The following HHIPL1 variants were observed in gnomAD, a reference collection of about 807,000 sequenced individuals.
HHIPL1 encodes HHIP-like protein 1.
A neutral mutation model predicts 61.8 loss-of-function variants in HHIPL1; 43 were observed. The ratio of observed to expected loss-of-function variants is 0.70; its 90% CI spans 0.55 to 0.90. The LOEUF (loss-of-function observed/expected upper bound fraction) is 0.90, where lower values mean the gene tolerates loss of function less well. Among genes scored for constraint, HHIPL1 ranks in the 40% least tolerant of loss-of-function variants. The probability of loss-of-function intolerance (pLI) is 0.00; values close to 1 mark genes in which losing one functional copy is unlikely to be tolerated. For missense variants in HHIPL1, 1,056 were observed against 1,157.7 expected (o/e 0.91, Z 1.28); for synonymous variants, 482 against 515.8 (o/e 0.93, Z 0.89).
intron 3 of HHIPL1, 25 bp from the exon 4 acceptor site, chr14:99,659,403 G>A: frequency 7.1e-7 from 1 of 1,400,518 alleles, no homozygotes; most frequent in Non-Finnish European, 9.2e-7. Context: ...ACCCCGAGCC[G>A]CGCCCTCTCC....
intron 4 of HHIPL1, among the ~76,000 whole-genome samples, chr14:99,659,964 C>T (rs1337371971): frequency 6.6e-6 from 1 of 151,470 alleles, no homozygotes; most frequent in Admixed American, 6.6e-5. Context: ...GACCCTGGAT[C>T]TGCCCCCACC....
chr14:99,646,792 AATATGATATGATATG>A (rs66953128), intron 1 of HHIPL1, among the ~76,000 whole-genome samples: 15 of 130,928 alleles, frequency 1.1e-4, no homozygotes, highest in South Asian at 2.4e-4. Flanking sequence ...AATATAATAT[AATATGATATGATATG>A]ATATGATATG....
At chr14:99,612,685 G>C in the HHIPL1 span, among the ~76,000 whole-genome samples, 1 of 152,136 alleles carries the variant, frequency 6.6e-6, no homozygotes, top group Non-Finnish European at 1.5e-5. Context: ...GCCCACCCGT[G>C]ATATGGGGGT....
At chr14:99,665,679 C>G (rs144273869) in intron 6 of HHIPL1, among the ~76,000 whole-genome samples, 1,737 of 152,342 alleles carry the variant, frequency 0.011, 24 homozygotes, top group African/African-American at 0.04. Context: ...AAGTGATCCC[C>G]TGCCTCGGCC....
chr14:99,670,272 T>C (rs9324012), intron 7 of HHIPL1, among the ~76,000 whole-genome samples: 148,367 of 152,166 alleles, frequency 0.98, 72,450 homozygotes, highest in East Asian at 1. Flanking sequence ...CCACCATGCC[T>C]GGCTAATTTT....
chr14:99,675,250 G>A lies in HHIPL1; in HGVS notation c.1973G>A (p.Arg658Gln). 1 of 1,228,546 alleles carries A rather than the reference G, an allele frequency of 8.1e-7. No homozygotes were observed. The allele number at this position is 1,228,546 out of a possible 1,614,324, so 76.1% of individuals were successfully genotyped here. The change falls in exon 9 of 9, where the codon CGG (arginine) becomes CAG (glutamine). Residue 658 changes from arginine (R) to glutamine (Q), a missense_variant. Arg to Gln is a conservative substitution (Grantham distance 43). Coordinates refer to ENST00000330710, the MANE Select transcript of HHIPL1 (RefSeq NM_001127258.3). This position sits in a 1 kb window ranked among gnomAD's most constrained non-coding sequence, Gnocchi z 5.4. ...AGCCGGAGGGGCGGCGGGCGGCGGC[G>A]GGGGCGGCTGAACTCGGCGAGCCGG... ...PGSRRGGGRR[R>Q]GRLNSASRAF...
the HHIPL1 span, among the ~76,000 whole-genome samples, chr14:99,611,436 G>A: frequency 6.6e-6 from 1 of 152,012 alleles, no homozygotes; most frequent in Admixed American, 6.6e-5. Context: ...TGAGATTACA[G>A]GCATCCACCA....
At chr14:99,643,027 C>T (rs750928344), upstream of HHIPL1, among the ~76,000 whole-genome samples, 3 of 151,736 alleles carry the variant, frequency 2.0e-5, no homozygotes, top group Non-Finnish European at 4.4e-5. Context: ...GGCTCTGATG[C>T]TCCTTCTGAC....
chr14:99,640,312 T>C (rs1430517576), upstream of HHIPL1, among the ~76,000 whole-genome samples: 8 of 152,216 alleles, frequency 5.3e-5, no homozygotes. Context: ...TGAGATAGGG[T>C]CTTGCTCTGT....
At chr14:99,647,701 C>T (rs1279811871) in intron 1 of HHIPL1, among the ~76,000 whole-genome samples, 1 of 152,228 alleles carries the variant, frequency 6.6e-6, no homozygotes, top group Non-Finnish European at 1.5e-5. Context: ...CTCTGCTAGC[C>T]AAGGCAGAGT....
the HHIPL1 span, among the ~76,000 whole-genome samples, chr14:99,622,650 TGC>T: frequency 1.3e-5 from 2 of 152,218 alleles, no homozygotes; most frequent in Non-Finnish European, 2.9e-5. Flanking sequence ...TGGCCGTGTC[TGC>T]CTACCTGCTT....
chr14:99,678,184 G>A lies in HHIPL1; in HGVS notation c.*2558G>A, dbSNP rs139437715. ...CTGGCAGGAGGCAGAGCTCAGGTGG[G>A]AATGCTTGCTCCCCACACTACCCTG... is the stretch of plus-strand genomic sequence containing the variant. On this transcript the variant is annotated 3_prime_UTR_variant, in exon 9 of 9. Coordinates refer to ENST00000330710, the MANE Select transcript of HHIPL1 (RefSeq NM_001127258.3). The A allele has an allele frequency of 6.4e-3, 979 of 152,390 alleles. 6 individuals carry two copies. Among genetic ancestry groups the A allele is most frequent in the Non-Finnish European group, 0.01 (689 of 68,124 alleles). 9.4% of individuals were successfully genotyped at this position (152,390 alleles called of 1,614,324 possible). A position where few individuals can be genotyped will look rare whatever the true frequency, so the allele number is the denominator to read the frequency against.
At chr14:99,637,603 A>C in the HHIPL1 span, among the ~76,000 whole-genome samples, 1 of 152,040 alleles carries the variant, frequency 6.6e-6, no homozygotes, top group Non-Finnish European at 1.5e-5. Context: ...GAAAAGTGTC[A>C]CAAGAGACCA....
At chr14:99,637,154 GAAAGAAAGAAAGAA>G in the HHIPL1 span, among the ~76,000 whole-genome samples, 5 of 135,146 alleles carry the variant, frequency 3.7e-5, no homozygotes, top group Non-Finnish European at 6.5e-5. Flanking sequence ...GAGGCAGAAA[GAAAGAAAGAAAGAA>G]AAAGAAAGAA....
intron 6 of HHIPL1, among the ~76,000 whole-genome samples, chr14:99,663,920 C>T (rs1187981394): frequency 1.3e-5 from 2 of 152,218 alleles, no homozygotes; most frequent in Non-Finnish European, 2.9e-5. Flanking sequence ...CAGAGACCTC[C>T]CCTGGCCTGG....
chr14:99,667,232 G>A (rs1359926829), intron 6 of HHIPL1, among the ~76,000 whole-genome samples: 1 of 152,180 alleles, frequency 6.6e-6, no homozygotes, highest in African/African-American at 2.4e-5. Context: ...GTGTGGGGCT[G>A]GGGCAGCAGA....
chr14:99,637,257 A>AAAGAAAGAAAGC, the HHIPL1 span, among the ~76,000 whole-genome samples: 1 of 147,968 alleles, frequency 6.8e-6, no homozygotes, highest in Non-Finnish European at 1.5e-5. Flanking sequence ...AGAAAGAAAG[A>AAAGAAAGAAAGC]AAGAAAGAAA....
At chr14:99,634,023 G>A in the HHIPL1 span, among the ~76,000 whole-genome samples, 1 of 152,194 alleles carries the variant, frequency 6.6e-6, no homozygotes, top group Non-Finnish European at 1.5e-5. Flanking sequence ...CAAAGCTGCC[G>A]TTCAGTCCTC....
rs1282269217 is a variant in HHIPL1 at position 99,675,475 on chromosome 14, G to T, written c.2198G>T (p.Gly733Val). Reference protein sequence around the residue: ...RAVKRAEFGQGGSLPILLDDV... With the variant: ...RAVKRAEFGQVGSLPILLDDV... ...GTCAAGAGAGCCGAGTTCGGCCAGG[G>T]CGGCTCGCTGCCCATTCTGCTGGAC... The change falls in exon 9 of 9, where the codon GGC becomes GTC. Residue 733 changes from glycine to valine, a missense_variant. Coordinates refer to ENST00000330710, the MANE Select transcript of HHIPL1 (RefSeq NM_001127258.3). This position sits in a 1 kb window ranked among gnomAD's most constrained non-coding sequence, Gnocchi z 5.4. The T allele has an allele frequency of 6.5e-7, 1 of 1,541,572 alleles. No homozygotes were observed. Among genetic ancestry groups the T allele is most frequent in the Non-Finnish European group, 8.7e-7 (1 of 1,146,356 alleles).
Sources: gnomAD v4.1 joint callset for allele counts (sites outside exome capture counted in the v4.1 genomes callset) on GRCh38, gnomAD v4.1.1 for gene constraint, Gnocchi (gnomAD v3.1) non-coding constraint, MANE v1.5 for transcripts, NCBI Gene and HGNC (gene_info 2026-07-23, HGNC 2026-07-21) for gene names.